Variants in ZBTB20 observed in about 807,000 individuals in gnomAD.
ZBTB20 encodes the protein zinc finger and BTB domain-containing protein 20.
Under a neutral mutation model 56.9 loss-of-function variants are expected in ZBTB20, and 9 were observed. That is an observed-to-expected ratio of 0.16 (90% CI 0.10 to 0.28). The LOEUF (loss-of-function observed/expected upper bound fraction) is 0.28. Among genes scored for constraint, ZBTB20 ranks in the 10% least tolerant of loss-of-function variants. ZBTB20 has a pLI of 1.00. For missense variants in ZBTB20, 655 were observed against 1,003.0 expected (o/e 0.65, Z 4.69); for synonymous variants, 417 against 420.7 (o/e 0.99, Z 0.11).
intron 6 of ZBTB20, among the ~76,000 whole-genome samples, chr3:114,663,192 G>A (rs1379203820): frequency 4.2e-5 from 6 of 144,396 alleles, no homozygotes; most frequent in South Asian, 2.4e-4. Context: ...CGGATCTCTC[G>A]GCAGAAACCC....
At chr3:115,027,008 A>C (rs547318614) in intron 2 of ZBTB20, among the ~76,000 whole-genome samples, 2 of 151,004 alleles carry the variant, frequency 1.3e-5, no homozygotes, top group East Asian at 3.9e-4. Flanking sequence ...TTTCTAAAAA[A>C]AGTGTTAAAA....
chr3:115,011,357 A>G (rs2079700889), intron 2 of ZBTB20, among the ~76,000 whole-genome samples: 1 of 151,916 alleles, frequency 6.6e-6, no homozygotes, highest in African/African-American at 2.4e-5. Flanking sequence ...AGGGCATTTA[A>G]TAATCAAACT....
At chr3:114,399,481 CAG>C in intron 7 of ZBTB20, among the ~76,000 whole-genome samples, 1 of 152,090 alleles carries the variant, frequency 6.6e-6, no homozygotes, top group Admixed American at 6.5e-5. Flanking sequence ...AACAGTGTAT[CAG>C]AGTGTTGGTT....
intron 7 of ZBTB20, among the ~76,000 whole-genome samples, chr3:114,434,101 A>G (rs1438970623): frequency 1.3e-5 from 2 of 152,144 alleles, no homozygotes; most frequent in Non-Finnish European, 2.9e-5. Context: ...GATTATTAAC[A>G]CCCTGCTAGA....
At chr3:114,489,452 A>ATGTG (rs1437932297) in intron 7 of ZBTB20, among the ~76,000 whole-genome samples, 1 of 152,168 alleles carries the variant, frequency 6.6e-6, no homozygotes, top group Non-Finnish European at 1.5e-5. Flanking sequence ...TGGGGGCTTT[A>ATGTG]TGTGATATTA....
At chr3:114,977,474 T>C (rs1047621703) in intron 2 of ZBTB20, among the ~76,000 whole-genome samples, 1 of 152,006 alleles carries the variant, frequency 6.6e-6, no homozygotes, top group South Asian at 2.1e-4. Flanking sequence ...TAAGTGACAG[T>C]GTGATATTGG....
intron 4 of ZBTB20, among the ~76,000 whole-genome samples, chr3:114,854,169 C>T (rs2075134775): frequency 1.3e-5 from 2 of 152,096 alleles, no homozygotes; most frequent in Non-Finnish European, 2.9e-5. Context: ...ACAGGAATAG[C>T]AATACTTCCT....
intron 5 of ZBTB20, among the ~76,000 whole-genome samples, chr3:114,768,992 G>A (rs955228918): frequency 6.6e-6 from 1 of 152,160 alleles, no homozygotes; most frequent in African/African-American, 2.4e-5. Flanking sequence ...CCTCAAATGA[G>A]TTGATACCCA....
intron 3 of ZBTB20, among the ~76,000 whole-genome samples, chr3:114,928,180 G>C (rs186116774): frequency 6.6e-6 from 1 of 152,140 alleles, no homozygotes; most frequent in Admixed American, 6.5e-5. Flanking sequence ...TTTTATCTCC[G>C]TCTTCCACTT....
chr3:114,466,661 T>C (rs1211639994), intron 7 of ZBTB20, among the ~76,000 whole-genome samples: 1 of 152,228 alleles, frequency 6.6e-6, no homozygotes, highest in Non-Finnish European at 1.5e-5. Context: ...GTGGATGTTT[T>C]GGGTCTCCCA....
intron 6 of ZBTB20, among the ~76,000 whole-genome samples, chr3:114,657,738 A>G (rs1251642890): frequency 6.6e-6 from 1 of 152,094 alleles, no homozygotes; most frequent in African/African-American, 2.4e-5. Flanking sequence ...TTTACCCGGG[A>G]CAGTTCACTC....
intron 6 of ZBTB20, among the ~76,000 whole-genome samples, chr3:114,655,636 T>C (rs547816368): frequency 6.6e-6 from 1 of 152,338 alleles, no homozygotes; most frequent in East Asian, 1.9e-4. Context: ...ACCTTTTTTG[T>C]TATTTTTTAG....
At chr3:114,694,409 T>A (rs2062876141) in intron 5 of ZBTB20, among the ~76,000 whole-genome samples, 1 of 152,004 alleles carries the variant, frequency 6.6e-6, no homozygotes, top group South Asian at 2.1e-4. Flanking sequence ...TTCCCAAAGA[T>A]CACTCAGCAC....
intron 2 of ZBTB20, among the ~76,000 whole-genome samples, chr3:115,043,926 G>A (rs1207082809): frequency 6.6e-6 from 1 of 152,080 alleles, no homozygotes; most frequent in East Asian, 1.9e-4. Context: ...CCATCTCCTT[G>A]GTAATAAGTG....
At chr3:114,434,830 C>T (rs1002371208) in intron 7 of ZBTB20, among the ~76,000 whole-genome samples, 5 of 151,940 alleles carry the variant, frequency 3.3e-5, no homozygotes, top group Admixed American at 6.6e-5. Context: ...GAGATTCAGG[C>T]GCATGGAAAA....
chr3:114,728,372 A>G (rs576916581), intron 5 of ZBTB20, among the ~76,000 whole-genome samples: 2 of 152,360 alleles, frequency 1.3e-5, no homozygotes, highest in South Asian at 4.1e-4. Context: ...AGGATCAGAG[A>G]AAAAGGACAT....
intron 1 of ZBTB20, among the ~76,000 whole-genome samples, chr3:115,097,363 T>C (rs1046145623): frequency 6.6e-6 from 1 of 151,774 alleles, no homozygotes; most frequent in Admixed American, 6.6e-5. Flanking sequence ...ATTTTTTTTT[T>C]AGTAGAGATG....
intron 7 of ZBTB20, among the ~76,000 whole-genome samples, chr3:114,390,734 G>A (rs73241517): frequency 5.9e-5 from 9 of 152,276 alleles, no homozygotes; most frequent in Non-Finnish European, 1.2e-4. Context: ...TGGTTCATTC[G>A]TTCCTTTGTC....
chr3:114,338,410 G>T lies in ZBTB20; in HGVS notation c.*595C>A, dbSNP rs2079535433. On this transcript the variant is annotated 3_prime_UTR_variant, in exon 12 of 12. Coordinates refer to ENST00000675478, the MANE Select transcript of ZBTB20 (RefSeq NM_001348800.3). The stretch of plus-strand genomic sequence containing the variant: ...TCTTTCCCACACCACCGAACCCACT[G>T]CCCTTCCCACCCCCACAGCCCTTTT... The T allele has an allele frequency of 6.6e-6, 1 of 152,124 alleles. No individual in the cohort carries two copies. Among genetic ancestry groups the T allele is most frequent in the African/African-American group, 2.4e-5 (1 of 41,386 alleles). The allele number at this position is 152,124 out of a possible 1,614,324, so 9.4% of individuals were successfully genotyped here. A position where few individuals can be genotyped will look rare whatever the true frequency, so the allele number is the denominator to read the frequency against.
Sources: gnomAD v4.1 joint callset for allele counts (sites outside exome capture counted in the v4.1 genomes callset) on GRCh38, gnomAD v4.1.1 for gene constraint, MANE v1.5 for transcripts, NCBI Gene and HGNC (gene_info 2026-07-23, HGNC 2026-07-21) for gene names.